Variants in SRRM4 observed in about 807,000 individuals in gnomAD.
The protein encoded by SRRM4 is serine/arginine repetitive matrix protein 4.
Under a neutral mutation model 68.9 loss-of-function variants are expected in SRRM4, and 33 were observed. That is an observed-to-expected ratio of 0.48 (90% confidence interval 0.36 to 0.64). SRRM4 has a LOEUF of 0.64. Ranked by LOEUF, SRRM4 falls within the 30% of genes least tolerant of loss-of-function variation. SRRM4 has a pLI of 0.00. For missense variants in SRRM4, 817 were observed against 827.1 expected (o/e 0.99, Z 0.15); for synonymous variants, 318 against 318.8 (o/e 1.00, Z 0.03).
intron 8 of SRRM4, among the ~76,000 whole-genome samples, chr12:119,136,530 C>G (rs892474815): frequency 1.3e-5 from 2 of 151,770 alleles, no homozygotes; most frequent in African/African-American, 4.9e-5. Flanking sequence ...TCAACTTTTA[C>G]TTTTGCCAAG....
intron 2 of SRRM4, among the ~76,000 whole-genome samples, chr12:119,111,478 G>A (rs953398403): frequency 6.6e-6 from 1 of 152,086 alleles, no homozygotes; most frequent in African/African-American, 2.4e-5. Context: ...TGCTCTCCTG[G>A]GACCCTGGGA....
intron 1 of SRRM4, among the ~76,000 whole-genome samples, chr12:119,090,169 G>A (rs1158464238): frequency 6.6e-6 from 1 of 152,090 alleles, no homozygotes; most frequent in Admixed American, 6.5e-5. Flanking sequence ...AGTGATCTTG[G>A]GGGAGTCACT....
intron 1 of SRRM4, among the ~76,000 whole-genome samples, chr12:119,032,400 T>C (rs549008050): frequency 3.3e-5 from 5 of 152,202 alleles, no homozygotes; most frequent in Non-Finnish European, 5.9e-5. Context: ...ATGTCCTTGA[T>C]CAAATTTATT....
intron 1 of SRRM4, among the ~76,000 whole-genome samples, chr12:119,061,726 G>A (rs958118403): frequency 3.9e-5 from 6 of 152,084 alleles, no homozygotes; most frequent in Non-Finnish European, 8.8e-5. Context: ...AGTGTGATAG[G>A]ATATACCAGA....
intron 1 of SRRM4, chr12:118,989,769 C>T (rs1316023631): frequency 6.6e-6 from 1 of 152,238 alleles, no homozygotes; most frequent in Non-Finnish European, 1.5e-5. Context: ...AAATCTTTCT[C>T]ATCCGGAGAA....
At chr12:119,116,781 C>A in intron 3 of SRRM4, 156 bp from the exon 4 acceptor site, 1 of 558,082 alleles carries the variant, frequency 1.8e-6, no homozygotes, top group Non-Finnish European at 3.2e-6. Context: ...TTAAAAATTG[C>A]TTACAAATGC....
intron 1 of SRRM4, among the ~76,000 whole-genome samples, chr12:119,032,262 G>C (rs1202449526): frequency 6.6e-6 from 1 of 152,106 alleles, no homozygotes; most frequent in African/African-American, 2.4e-5. Context: ...TACCAATCCT[G>C]TTATTTCAGT....
intron 6 of SRRM4, 146 bp from the exon 7 acceptor site, chr12:119,125,235 G>C: frequency 2.9e-6 from 2 of 678,660 alleles, no homozygotes; most frequent in Non-Finnish European, 5.1e-6. Context: ...CTGGACTAAC[G>C]CATGGGGTTG....
chr12:119,135,957 G>T (rs1230038267), intron 8 of SRRM4, among the ~76,000 whole-genome samples: 1 of 151,990 alleles, frequency 6.6e-6, no homozygotes, highest in East Asian at 1.9e-4. Flanking sequence ...GTAAGATAAG[G>T]TATCCATTCA....
intron 8 of SRRM4, among the ~76,000 whole-genome samples, chr12:119,136,761 G>A (rs1954331305): frequency 6.6e-6 from 1 of 152,088 alleles, no homozygotes; most frequent in South Asian, 2.1e-4. Context: ...AGAACAGGTG[G>A]GCAGGGGGTC....
rs1385125017 is a variant in SRRM4 at position 119,145,699 on chromosome 12, A to G, written c.1076+14A>G. On this transcript the variant is annotated intron_variant, in intron 9 of 12. Coordinates refer to ENST00000267260, the MANE Select transcript of SRRM4 (RefSeq NM_194286.4). ...CAGAGAGTCAAGGTCAGTGCACCAC[A>G]CAGGGTCGGGGGTAGACGGTCTCCC... 19 of 1,501,864 alleles carry G rather than the reference A, an allele frequency of 1.3e-5. No homozygotes were observed. The highest frequency in any genetic ancestry group is 1.7e-5 in the Non-Finnish European group (19 of 1,125,846). The allele number at this position is 1,501,864 out of a possible 1,614,324, so 93.0% of individuals were successfully genotyped here.
chr12:119,102,153 C>G, intron 1 of SRRM4, 83 bp from the exon 2 acceptor site: 1 of 1,348,316 alleles, frequency 7.4e-7, no homozygotes, highest in Non-Finnish European at 1.0e-6. Flanking sequence ...CTGGGAAATA[C>G]TAGTAATTCT....
In SRRM4 at chr12:119,156,836, G is replaced by T; in HGVS notation, c.*38G>T. ...CAGCTGCCCGTGGGGGCCCCTTCGC[G>T]CTGCCAGCCTCCCCCAACCACCTGC... On this transcript the variant is annotated 3_prime_UTR_variant, in exon 13 of 13. Transcript: ENST00000267260. 5 of 1,482,556 alleles carry T rather than the reference G, an allele frequency of 3.4e-6. No homozygotes were observed. The highest frequency in any genetic ancestry group is 2.7e-6 in the Non-Finnish European group (3 of 1,119,512). 91.8% of individuals were successfully genotyped at this position (1,482,556 alleles called of 1,614,324 possible). A position where few individuals can be genotyped will look rare whatever the true frequency, so the allele number is the denominator to read the frequency against.
intron 1 of SRRM4, among the ~76,000 whole-genome samples, chr12:119,035,476 C>T (rs1435744646): frequency 2.0e-5 from 3 of 152,218 alleles, no homozygotes; most frequent in African/African-American, 4.8e-5. Flanking sequence ...CCTCTTGGTA[C>T]TGTTGCCTCT....
intron 1 of SRRM4, among the ~76,000 whole-genome samples, chr12:119,071,668 C>A (rs888943877): frequency 6.6e-6 from 1 of 152,178 alleles, no homozygotes; most frequent in African/African-American, 2.4e-5. Flanking sequence ...AGTCCCCAGT[C>A]CCCAGAACTA....
Position 119,130,813 on chromosome 12 carries a change from C to T in SRRM4, c.750C>T (p.Gly250=). The change falls in exon 8 of 13, where the codon GGC becomes GGT. Residue 250 remains glycine, a synonymous_variant. Coordinates refer to ENST00000267260, the MANE Select transcript of SRRM4 (RefSeq NM_194286.4). Reference sequence around the variant, plus strand: ...CCAGTCAACCCCTCCAGATGCTTGGCTACCTGTCAGCCAGGGGTGTAGTAA... The same window carrying T: ...CCAGTCAACCCCTCCAGATGCTTGGTTACCTGTCAGCCAGGGGTGTAGTAA... ...RPPSQPLQML[G]YLSARGVITG... 6.2e-7 allele frequency: 1 copy of T among 1,606,136 alleles called. No homozygotes were observed. The highest frequency in any genetic ancestry group is 8.5e-7 in the Non-Finnish European group (1 of 1,179,682).
At chr12:119,069,253 C>A (rs966860636) in intron 1 of SRRM4, among the ~76,000 whole-genome samples, 1 of 152,128 alleles carries the variant, frequency 6.6e-6, no homozygotes, top group Non-Finnish European at 1.5e-5. Flanking sequence ...TGAGAACTGC[C>A]GGGAGACCTT....
intron 2 of SRRM4, among the ~76,000 whole-genome samples, chr12:119,103,058 C>T (rs1486036702): frequency 6.6e-6 from 1 of 152,052 alleles, no homozygotes; most frequent in African/African-American, 2.4e-5. Context: ...CTAAAACCCA[C>T]TCCATTATCC....
chr12:119,088,695 G>A (rs1953994892), intron 1 of SRRM4, among the ~76,000 whole-genome samples: 1 of 150,788 alleles, frequency 6.6e-6, no homozygotes, highest in South Asian at 2.2e-4. Context: ...AATAAGTGGG[G>A]GGCCACAAAA....
Sources: gnomAD v4.1 joint callset for allele counts (sites outside exome capture counted in the v4.1 genomes callset) on GRCh38, gnomAD v4.1.1 for gene constraint, MANE v1.5 for transcripts, NCBI Gene and HGNC (gene_info 2026-07-23, HGNC 2026-07-21) for gene names.